The following EHMT2 variants were observed in gnomAD, a reference collection of about 807,000 sequenced individuals.
EHMT2 encodes histone-lysine N-methyltransferase EHMT2.
In EHMT2, 59 loss-of-function variants were observed where a neutral mutation model predicts 143.3. That is an observed-to-expected ratio of 0.41 (90% CI 0.33 to 0.51). The LOEUF (loss-of-function observed/expected upper bound fraction) is 0.51. Ranked by LOEUF, EHMT2 falls within the 20% of genes least tolerant of loss-of-function variation. The pLI, the probability that EHMT2 is intolerant of heterozygous loss-of-function variation, is 0.18. For missense variants in EHMT2, 1,174 were observed against 1,645.9 expected (o/e 0.71, Z 4.96); for synonymous variants, 604 against 651.5 (o/e 0.93, Z 1.11).
intron 16 of EHMT2, 22 bp downstream of exon 16, chr6:31,886,973 A>C: frequency 6.2e-7 from 1 of 1,613,868 alleles, no homozygotes; most frequent in Non-Finnish European, 8.5e-7. Context: ...TGAATGAGGC[A>C]TGGGGCCGGG....
rs1387051709 is a variant in EHMT2 at position 31,883,920 on chromosome 6, G to A, written c.2802C>T (p.Pro934=). ...CATCCACACCGTTGACACAGGGAAT[G>A]GGCACGTTCTCATAGCCCCGAGCCA... Residue 934 remains proline, a synonymous_variant, in exon 22 of 28, where the codon CCC becomes CCT. Coordinates refer to ENST00000375537, the Ensembl canonical transcript of EHMT2. This position sits in a 1 kb window ranked among gnomAD's most constrained non-coding sequence, Gnocchi z 5.6. The A allele has an allele frequency of 1.2e-6, 2 of 1,613,874 alleles. No homozygotes were observed. The highest frequency in any genetic ancestry group is 4.5e-5 in the East Asian group (2 of 44,880).
chr6:31,887,021 C>A, exon 16 of EHMT2: 1 of 1,613,920 alleles, frequency 6.2e-7, no homozygotes, highest in Admixed American at 1.7e-5. Context: ...CAGATCTCCA[C>A]GGAGCCCTTC....
At position 31,889,390 on chromosome 6, in the gene EHMT2, C is replaced by G. The variant is rs755294222; in HGVS notation, c.1000-48G>C. The G allele has an allele frequency of 2.5e-6, 4 of 1,607,746 alleles. No individual in the cohort carries two copies. Among genetic ancestry groups the G allele is most frequent in the Admixed American group, 1.7e-5 (1 of 59,366 alleles). The stretch of plus-strand genomic sequence containing the variant: ...GTTAGGAACCCTCACCCCCAGGGGC[C>G]CCCCCAACACCTTCAGGACCAGACC... On this transcript the variant is annotated intron_variant, in intron 8 of 27. Coordinates refer to ENST00000375537, the Ensembl canonical transcript of EHMT2. This position sits in a 1 kb window ranked among gnomAD's most constrained non-coding sequence, Gnocchi z 5.1.
rs762831338 is a variant in EHMT2, at chr6:31,883,794, C to T, written c.2916+12G>A. ...GGTGTCCTTTTGGGGAGGCCCCGGG[C>T]CCCCTACTCACCTGCAGGTGGGTGA... On this transcript the variant is annotated intron_variant, in intron 22 of 27. Coordinates refer to ENST00000375537, the Ensembl canonical transcript of EHMT2. This position sits in a 1 kb window ranked among gnomAD's most constrained non-coding sequence, Gnocchi z 5.6. The T allele has an allele frequency of 6.2e-7, 1 of 1,612,798 alleles. No homozygotes were observed.
chr6:31,883,188 C>G lies in EHMT2; in HGVS notation c.2994+174G>C. On this transcript the variant is annotated intron_variant, in intron 23 of 27. Coordinates refer to ENST00000375537, the Ensembl canonical transcript of EHMT2. This position sits in a 1 kb window ranked among gnomAD's most constrained non-coding sequence, Gnocchi z 5.6. Reference sequence around the variant, plus strand: ...CCTGGTTTGCATAGACCTGGGCACACGCCCATCGCTGTCCCAGCCACATCC... The same window carrying G: ...CCTGGTTTGCATAGACCTGGGCACAGGCCCATCGCTGTCCCAGCCACATCC... 5.9e-6 allele frequency: 5 copies of G among 853,138 alleles called. No individual in the cohort carries two copies. The South Asian group carries it at 6.5e-5, about 11-fold the overall frequency. The allele number at this position is 853,138 out of a possible 1,614,324, so 52.8% of individuals were successfully genotyped here. A position where few individuals can be genotyped will look rare whatever the true frequency, so the allele number is the denominator to read the frequency against.
chr6:31,888,517 T>C lies in EHMT2; in HGVS notation c.1366-11A>G, dbSNP rs35875104. Reference sequence around the variant, plus strand: ...ATTGCAGCCTGACAGCTGTGCGCAGTGAGGATGGGTGAGAAGAGAGCGTGA... The same window carrying C: ...ATTGCAGCCTGACAGCTGTGCGCAGCGAGGATGGGTGAGAAGAGAGCGTGA... On this transcript the variant is annotated splice_polypyrimidine_tract_variant and intron_variant, in intron 11 of 27. Coordinates refer to ENST00000375537, the Ensembl canonical transcript of EHMT2. The surrounding 1 kb of genome is among the most constrained non-coding windows in gnomAD (Gnocchi z 7.4). 45,477 of 1,611,418 alleles carry C rather than the reference T, an allele frequency of 0.028. 886 individuals carry two copies. The highest frequency in any genetic ancestry group is 0.051 in the East Asian group (2,272 of 44,822).
Position 31,889,575 on chromosome 6 carries a change from G to A in EHMT2, c.892C>T (p.Leu298=), listed in dbSNP as rs115631257. 3.1e-6 allele frequency: 5 copies of A among 1,610,612 alleles called. No individual in the cohort carries two copies. The stretch of plus-strand genomic sequence containing the variant: ...TCTTCCTCCTCCTCCTCTTCACTTA[G>A]TTGTTCAGTTAGAGCTTCAACTTCA... Residue 298 remains leucine, a synonymous_variant, in exon 8 of 28, where the codon CTA becomes TTA. Coordinates refer to ENST00000375537, the Ensembl canonical transcript of EHMT2. This position sits in a 1 kb window ranked among gnomAD's most constrained non-coding sequence, Gnocchi z 5.1.
chr6:31,897,669 C>T, exon 1 of EHMT2: 4 of 1,148,204 alleles, frequency 3.5e-6, no homozygotes, highest in Non-Finnish European at 4.3e-6. Flanking sequence ...CTCCCGCCGC[C>T]GCCGCCATCG....
chr6:31,896,768 G>T, exon 3 of EHMT2: 1 of 1,613,086 alleles, frequency 6.2e-7, no homozygotes, highest in Non-Finnish European at 8.5e-7. Flanking sequence ...AGGGAGTCGG[G>T]GGTGGCCTTG....
At chr6:31,892,332 G>C (rs1404386352) in intron 7 of EHMT2, 75 bp downstream of exon 7, 1 of 1,522,144 alleles carries the variant, frequency 6.6e-7, no homozygotes, top group Non-Finnish European at 8.9e-7. Context: ...GAAAAACAGG[G>C]AACAAGGAGG....
Position 31,883,705 on chromosome 6 carries a change from A to T in EHMT2, c.2916+101T>A. 1 of 1,507,738 alleles carries T rather than the reference A, an allele frequency of 6.6e-7. No homozygotes were observed. Among genetic ancestry groups the T allele is most frequent in the South Asian group, 1.2e-5 (1 of 83,304 alleles). 93.4% of individuals were successfully genotyped at this position (1,507,738 alleles called of 1,614,324 possible). A position where few individuals can be genotyped will look rare whatever the true frequency, so the allele number is the denominator to read the frequency against. On this transcript the variant is annotated intron_variant, in intron 22 of 27. Transcript: ENST00000375537. This position sits in a 1 kb window ranked among gnomAD's most constrained non-coding sequence, Gnocchi z 5.6. ...CCCACACCAGGGCTCCCTTTCAGCC[A>T]ACCCTTCCTTGGCCAGGTGCCTTTG...
At chr6:31,892,830 G>A in exon 5 of EHMT2, 1 of 1,607,998 alleles carries the variant, frequency 6.2e-7, no homozygotes, top group Non-Finnish European at 8.5e-7. Context: ...ACTGACCTGA[G>A]GTCACCTTTC....
chr6:31,888,940 G>A lies in EHMT2; in HGVS notation c.1216+29C>T. On this transcript the variant is annotated intron_variant, in intron 10 of 27. Coordinates refer to ENST00000375537, the Ensembl canonical transcript of EHMT2. The surrounding 1 kb of genome is among the most constrained non-coding windows in gnomAD (Gnocchi z 7.4). ...TCCTGCCCTGAGGTCGCCCCCTAGT[G>A]GCTCCCTGTCCCGGCAATTGGCAAT... 4 of 1,575,720 alleles carry A rather than the reference G, an allele frequency of 2.5e-6. No individual in the cohort carries two copies. Among genetic ancestry groups the A allele is most frequent in the Non-Finnish European group, 3.4e-6 (4 of 1,159,902 alleles).
exon 16 of EHMT2, chr6:31,887,095 T>G (rs780138581): frequency 6.2e-7 from 1 of 1,603,996 alleles, no homozygotes; most frequent in South Asian, 1.1e-5. Flanking sequence ...GGGGTCCAGG[T>G]TGTCCACTGC....
Position 31,883,571 on chromosome 6 carries a change from C to T in EHMT2, c.2917-132G>A, listed in dbSNP as rs2151599577. 1 of 1,051,632 alleles carries T rather than the reference C, an allele frequency of 9.5e-7. No individual in the cohort carries two copies. Among genetic ancestry groups the T allele is most frequent in the African/African-American group, 1.6e-5 (1 of 63,610 alleles). The allele number at this position is 1,051,632 out of a possible 1,614,324, so 65.1% of individuals were successfully genotyped here. ...TGTTACAACAGTGGGTGGTGATGGT[C>T]CTAGGGTGACGGGTAATCAGTATGG... On this transcript the variant is annotated intron_variant, in intron 22 of 27. Transcript: ENST00000375537. This position sits in a 1 kb window ranked among gnomAD's most constrained non-coding sequence, Gnocchi z 5.6.
In EHMT2 at chr6:31,881,245, G is replaced by A; in HGVS notation, c.3198-153C>T. 1.4e-6 allele frequency: 1 copy of A among 701,328 alleles called. No homozygotes were observed. Among genetic ancestry groups the A allele is most frequent in the Non-Finnish European group, 2.6e-6 (1 of 390,900 alleles). 43.4% of individuals were successfully genotyped at this position (701,328 alleles called of 1,614,324 possible). A position where few individuals can be genotyped will look rare whatever the true frequency, so the allele number is the denominator to read the frequency against. On this transcript the variant is annotated intron_variant, in intron 25 of 27. Coordinates refer to ENST00000375537, the Ensembl canonical transcript of EHMT2. This position sits in a 1 kb window ranked among gnomAD's most constrained non-coding sequence, Gnocchi z 4.8. Reference sequence around the variant, plus strand: ...GGCCTGGAGCAGCAGTGGTGGGCAAGTGAAAGGGCAGCATTCCAGCCTTGA... The same window carrying A: ...GGCCTGGAGCAGCAGTGGTGGGCAAATGAAAGGGCAGCATTCCAGCCTTGA...
chr6:31,897,066 G>A lies in EHMT2; in HGVS notation c.43-77C>T, dbSNP rs755640399. 3.3e-6 allele frequency: 5 copies of A among 1,500,846 alleles called. No individual in the cohort carries two copies. In the East Asian group the frequency reaches 9.6e-5, roughly 29 times the overall value. The allele number at this position is 1,500,846 out of a possible 1,614,324, so 93.0% of individuals were successfully genotyped here. ...GGGGGTCCAGGATGCCTGGGCCCTG[G>A]GAAGAGAGAGTAGGCTCCGGGGCCT... On this transcript the variant is annotated intron_variant, in intron 1 of 27. Coordinates refer to ENST00000375537, the Ensembl canonical transcript of EHMT2.
chr6:31,892,546 G>A (rs1765832443), exon 7 of EHMT2: 1 of 1,612,866 alleles, frequency 6.2e-7, no homozygotes, highest in Non-Finnish European at 8.5e-7. Flanking sequence ...ACGCCGGGCA[G>A]AACCTAACTC....
chr6:31,884,716 G>A lies in EHMT2; in HGVS notation c.2532C>T (p.Leu844=). 6.3e-7 allele frequency: 1 copy of A among 1,595,176 alleles called. No individual in the cohort carries two copies. Among genetic ancestry groups the A allele is most frequent in the Non-Finnish European group, 8.5e-7 (1 of 1,169,804 alleles). ...TGTCCCCATGGTAGTTGACAGCATGGAGGTCACAGCGCGCATTCAGAAGGA... is the reference window on the plus strand; with the variant it reads ...TGTCCCCATGGTAGTTGACAGCATGAAGGTCACAGCGCGCATTCAGAAGGA... Residue 844 remains leucine (L), a synonymous_variant, in exon 20 of 28, where the codon CTC becomes CTT. Coordinates refer to ENST00000375537, the Ensembl canonical transcript of EHMT2. This position sits in a 1 kb window ranked among gnomAD's most constrained non-coding sequence, Gnocchi z 7.3.
Sources: gnomAD v4.1 joint callset for allele counts on GRCh38, gnomAD v4.1.1 for gene constraint, Gnocchi (gnomAD v3.1) non-coding constraint, MANE v1.5 for transcripts, NCBI Gene and HGNC (gene_info 2026-07-23, HGNC 2026-07-21) for gene names.